Variants in PCDHA8 observed in about 807,000 individuals in gnomAD.
PCDHA8 encodes the protein protocadherin alpha 8, also known as protocadherin alpha-8.
In PCDHA8, 53 loss-of-function variants were observed where a neutral mutation model predicts 61.8. The observed-to-expected ratio is 0.86, with a 90% CI of 0.69 to 1.08. The LOEUF (loss-of-function observed/expected upper bound fraction) is 1.08. Among genes scored for constraint, PCDHA8 ranks in the 50% least tolerant of loss-of-function variants. The probability of loss-of-function intolerance (pLI) is 0.00; values close to 1 mark genes in which losing one functional copy is unlikely to be tolerated. For synonymous variants in PCDHA8, 618 were observed against 556.6 expected (o/e 1.11, Z -1.55); for missense variants, 1,293 against 1,245.0 (o/e 1.04, Z -0.58).
chr5:140,847,732 A>G (rs1781156684), intron 1 of PCDHA8: 1 of 149,812 alleles, frequency 6.7e-6, no homozygotes, highest in Admixed American at 6.7e-5. Flanking sequence ...AGAGAAAAAT[A>G]TATTTTCTCC....
chr5:140,853,569 G>A lies in PCDHA8; in HGVS notation c.2394+9854G>A. On this transcript the variant is annotated intron_variant, in intron 1 of 3. Transcript: ENST00000531613. ...ATTACTATATAGGAAAAACTAAGTT[G>A]TCACCCAATATCTTAGACACTTTGA... 1.3e-5 allele frequency: 13 copies of A among 981,402 alleles called. 1 individual carries two copies. The highest frequency in any genetic ancestry group is 1.6e-5 in the Non-Finnish European group (13 of 813,896). 60.8% of individuals were successfully genotyped at this position (981,402 alleles called of 1,614,324 possible).
At chr5:140,931,675 A>G (rs2087672558) in intron 1 of PCDHA8, among the ~76,000 whole-genome samples, 1 of 151,968 alleles carries the variant, frequency 6.6e-6, no homozygotes, top group Admixed American at 6.5e-5. Context: ...TTCCTTATAA[A>G]TAAATGAATT....
chr5:140,969,538 G>A (rs916768919), intron 1 of PCDHA8: 11 of 1,304,024 alleles, frequency 8.4e-6, no homozygotes, highest in African/African-American at 1.5e-5. Flanking sequence ...TTCATTTTCA[G>A]AGGCATGAAG....
At chr5:140,880,812 G>C (rs782505360) in intron 1 of PCDHA8, among the ~76,000 whole-genome samples, 2 of 152,200 alleles carry the variant, frequency 1.3e-5, no homozygotes, top group Non-Finnish European at 2.9e-5. Flanking sequence ...AATGACTCTA[G>C]AGTGTCTGGA....
At chr5:140,927,970 G>C in intron 1 of PCDHA8, 2 of 1,614,216 alleles carry the variant, frequency 1.2e-6, no homozygotes, top group Non-Finnish European at 1.7e-6. Context: ...CACAGTGATT[G>C]CTCTCTTTAG....
intron 1 of PCDHA8, chr5:140,870,941 C>CGGCG (rs782621545): frequency 1.2e-6 from 2 of 1,613,594 alleles, no homozygotes; most frequent in Non-Finnish European, 1.7e-6. Context: ...TTGCAGCCGG[C>CGGCG]GGCGGGCGGC....
intron 1 of PCDHA8, among the ~76,000 whole-genome samples, chr5:140,895,100 T>G (rs1306041919): frequency 2.0e-5 from 3 of 152,190 alleles, no homozygotes; most frequent in African/African-American, 7.2e-5. Context: ...TAGGGGTTTT[T>G]GCTACAAGAA....
intron 1 of PCDHA8, among the ~76,000 whole-genome samples, chr5:140,888,192 A>G (rs906159358): frequency 4.6e-5 from 7 of 152,120 alleles, no homozygotes; most frequent in Non-Finnish European, 8.8e-5. Context: ...TGAATTTTAC[A>G]TTGTCGGATG....
chr5:140,857,750 C>T (rs781977975), intron 1 of PCDHA8: 1 of 1,597,430 alleles, frequency 6.3e-7, no homozygotes, highest in Non-Finnish European at 8.6e-7. Context: ...GCTGGCGTCT[C>T]CCGCTGGCAG....
intron 3 of PCDHA8, among the ~76,000 whole-genome samples, chr5:141,000,006 C>T (rs1453937377): frequency 1.3e-5 from 2 of 151,992 alleles, no homozygotes; most frequent in Admixed American, 1.3e-4. Context: ...TTAGATTGGC[C>T]TCCCCATTGC....
intron 1 of PCDHA8, chr5:140,883,274 C>T (rs1554177451): frequency 1.9e-6 from 3 of 1,613,998 alleles, no homozygotes; most frequent in South Asian, 2.2e-5. Flanking sequence ...TCATTGTACC[C>T]TTTTGGTGGA....
chr5:140,950,247 A>G (rs1483854749), intron 1 of PCDHA8, among the ~76,000 whole-genome samples: 1 of 152,004 alleles, frequency 6.6e-6, no homozygotes, highest in East Asian at 1.9e-4. Flanking sequence ...ATTTGTTCCT[A>G]AAGAGCTGAG....
At chr5:140,976,637 A>G (rs781951504) in intron 1 of PCDHA8, among the ~76,000 whole-genome samples, 16 of 152,226 alleles carry the variant, frequency 1.1e-4, no homozygotes, top group Non-Finnish European at 1.5e-4. Flanking sequence ...CAGCAATCAG[A>G]CAAGTAATTT....
At chr5:140,880,759 T>C (rs2058465198) in intron 1 of PCDHA8, among the ~76,000 whole-genome samples, 1 of 152,188 alleles carries the variant, frequency 6.6e-6, no homozygotes. Context: ...TAACTGCGTG[T>C]TGGAGGCTAA....
chr5:140,968,363 G>A, intron 1 of PCDHA8: 1 of 1,614,090 alleles, frequency 6.2e-7, no homozygotes, highest in Non-Finnish European at 8.5e-7. Flanking sequence ...CAGCCTTTAT[G>A]CTGTCAACTC....
intron 1 of PCDHA8, among the ~76,000 whole-genome samples, chr5:140,954,973 G>T (rs781943510): frequency 7.9e-5 from 12 of 152,124 alleles, no homozygotes; most frequent in Non-Finnish European, 1.3e-4. Context: ...AAAGGGTCCA[G>T]TTTCAATTTT....
intron 3 of PCDHA8, among the ~76,000 whole-genome samples, chr5:140,987,981 ACT>A (rs2153869731): frequency 6.6e-6 from 1 of 152,028 alleles, no homozygotes; most frequent in African/African-American, 2.4e-5. Context: ...CTCCATGGAG[ACT>A]CCATCTCTGA....
intron 1 of PCDHA8, among the ~76,000 whole-genome samples, chr5:140,930,626 A>G (rs1554207971): frequency 6.6e-6 from 1 of 152,220 alleles, no homozygotes; most frequent in Non-Finnish European, 1.5e-5. Flanking sequence ...GGAGGTGTGT[A>G]GAAATTAAGG....
intron 1 of PCDHA8, among the ~76,000 whole-genome samples, chr5:140,937,875 G>GCATGGCGCCCAGGCGC (rs1467494060): frequency 1.3e-5 from 2 of 150,442 alleles, no homozygotes; most frequent in African/African-American, 4.9e-5. Context: ...TCGCGCCACT[G>GCATGGCGCCCAGGCGC]CACTCCAGCC....
Sources: allele counts gnomAD v4.1 joint callset (sites outside exome capture counted in the v4.1 genomes callset), GRCh38; gene constraint gnomAD v4.1.1; transcripts MANE v1.5; gene names NCBI Gene and HGNC (gene_info 2026-07-23, HGNC 2026-07-21).